The following SLC12A1 variants were observed in gnomAD, a reference collection of about 807,000 sequenced individuals.
SLC12A1 encodes Na-K-2Cl cotransporter.
A neutral mutation model predicts 130.4 loss-of-function variants in SLC12A1; 89 were observed. The ratio of observed to expected loss-of-function variants is 0.68; its 90% CI spans 0.58 to 0.81. The LOEUF is 0.81. Among genes scored for constraint, SLC12A1 ranks in the 40% least tolerant of loss-of-function variants. The pLI is 0.00. For synonymous variants in SLC12A1, 499 were observed against 460.0 expected, an observed-to-expected ratio of 1.08 and a Z score of -1.09; for missense variants, 1,310 against 1,336.4, an observed-to-expected ratio of 0.98 and a Z score of 0.31.
At chr15:48,229,732 A>T (rs2041346652) in intron 6 of SLC12A1, among the ~76,000 whole-genome samples, 1 of 152,236 alleles carries the variant, frequency 6.6e-6, no homozygotes, top group Non-Finnish European at 1.5e-5. Context: ...AAGGAAAGAA[A>T]GTTTAAAAAT....
chr15:48,289,431 T>TATATA (rs60463295), intron 23 of SLC12A1, among the ~76,000 whole-genome samples: 3,840 of 121,810 alleles, frequency 0.032, 222 homozygotes, highest in African/African-American at 0.049. Context: ...ATATATATAA[T>TATATA]GTATAACTAT....
At chr15:48,254,080 T>C (rs960608504) in intron 15 of SLC12A1, among the ~76,000 whole-genome samples, 2 of 152,216 alleles carry the variant, frequency 1.3e-5, no homozygotes, top group Non-Finnish European at 2.9e-5. Context: ...TTTCTCTGGA[T>C]CTGTGGTTTC....
At chr15:48,221,701 A>G (rs1316050027) in intron 4 of SLC12A1, among the ~76,000 whole-genome samples, 1 of 152,212 alleles carries the variant, frequency 6.6e-6, no homozygotes, top group Non-Finnish European at 1.5e-5. Context: ...GTATATTAGT[A>G]AAGTTTTTAT....
intron 15 of SLC12A1, among the ~76,000 whole-genome samples, chr15:48,253,252 T>A (rs1442216483): frequency 6.6e-6 from 1 of 152,212 alleles, no homozygotes; most frequent in Non-Finnish European, 1.5e-5. Context: ...TGTCTATATG[T>A]TTTGACAAAC....
chr15:48,281,908 G>A (rs565515941), intron 20 of SLC12A1, among the ~76,000 whole-genome samples: 1 of 152,174 alleles, frequency 6.6e-6, no homozygotes, highest in African/African-American at 2.4e-5. Context: ...TATTTCTGTT[G>A]ACAAAAATGT....
chr15:48,240,059 A>T lies in SLC12A1; in HGVS notation c.1216-1456A>T. On this transcript the variant is annotated intron_variant, in intron 9 of 26. Coordinates refer to ENST00000380993, the MANE Select transcript of SLC12A1 (RefSeq NM_000338.3). Reference sequence around the variant, plus strand: ...TATATATATATATATCCATATATATATATATATATATCCATATATATATAT... The same window carrying T: ...TATATATATATATATCCATATATATTTATATATATATCCATATATATATAT... 2.9e-5 allele frequency among the ~76,000 whole-genome samples: 3 copies of T among 105,252 alleles called. No homozygotes were observed. The East Asian group carries it at 1.0e-3, about 35-fold the overall frequency. 69.0% of individuals were successfully genotyped at this position (105,252 alleles called of 152,430 possible).
chr15:48,302,650 AT>A, intron 26 of SLC12A1, 99 bp from the exon 27 acceptor site: 1 of 704,130 alleles, frequency 1.4e-6, no homozygotes, highest in Admixed American at 3.5e-5. Context: ...AAAAAAAAAA[AT>A]TAAGGCTGCC....
intron 20 of SLC12A1, among the ~76,000 whole-genome samples, chr15:48,282,345 A>G (rs1328073232): frequency 6.6e-6 from 1 of 152,192 alleles, no homozygotes; most frequent in Non-Finnish European, 1.5e-5. Flanking sequence ...CATACCTTCA[A>G]GCAATTGTTG....
intron 2 of SLC12A1, among the ~76,000 whole-genome samples, chr15:48,212,527 T>G (rs2041065588): frequency 6.6e-6 from 1 of 152,210 alleles, no homozygotes; most frequent in African/African-American, 2.4e-5. Context: ...ATCTAGTGCC[T>G]TTACTTTGTA....
intron 19 of SLC12A1, among the ~76,000 whole-genome samples, chr15:48,270,750 G>GTATATATA (rs71458477): frequency 2.9e-3 from 3 of 1,048 alleles, no homozygotes; most frequent in Non-Finnish European, 5.5e-3. Context: ...GTGTATGTGT[G>GTATATATA]TATATATATA....
intron 17 of SLC12A1, among the ~76,000 whole-genome samples, chr15:48,263,816 C>T (rs1199817598): frequency 6.6e-6 from 1 of 152,132 alleles, no homozygotes; most frequent in Non-Finnish European, 1.5e-5. Context: ...CCTCAGCCTT[C>T]CCAGTGTCCG....
chr15:48,249,103 A>G (rs1566840450), intron 13 of SLC12A1, among the ~76,000 whole-genome samples: 1 of 152,162 alleles, frequency 6.6e-6, no homozygotes, highest in East Asian at 1.9e-4. Flanking sequence ...AGAGATGTGA[A>G]AAAGGTATGA....
Position 48,227,027 on chromosome 15 carries a change from G to A in SLC12A1, c.724+456G>A, listed in dbSNP as rs574564550. On this transcript the variant is annotated intron_variant, in intron 5 of 26. Transcript: ENST00000380993. ...TCAGACTGCTGCCTCCTGAAGTACT[G>A]GTGACTTCTCTCAGTACTGGAACCA... The A allele has an allele frequency of 3.3e-4, 398 of 1,212,754 alleles. 2 individuals carry two copies. The South Asian group carries it at 4.9e-3, about 15-fold the overall frequency. The allele number at this position is 1,212,754 out of a possible 1,614,324, so 75.1% of individuals were successfully genotyped here.
At chr15:48,235,030 T>C in intron 9 of SLC12A1, 26 bp downstream of exon 9, 1 of 1,612,514 alleles carries the variant, frequency 6.2e-7, no homozygotes, top group Non-Finnish European at 8.5e-7. Context: ...TGCTTTGCAG[T>C]CCTGGGAGTG....
At chr15:48,293,589 T>C (rs1194592611) in intron 24 of SLC12A1, among the ~76,000 whole-genome samples, 1 of 152,224 alleles carries the variant, frequency 6.6e-6, no homozygotes, top group Non-Finnish European at 1.5e-5. Context: ...CTTGCCTCTT[T>C]CCTTCCTTTG....
chr15:48,227,056 A>G (rs1439291090), intron 5 of SLC12A1: 14 of 1,523,000 alleles, frequency 9.2e-6, no homozygotes, highest in Admixed American at 5.9e-5. Flanking sequence ...GGAACCAAAC[A>G]CCTTTCTTGG....
At chr15:48,242,228 C>G (rs1296724615) in intron 10 of SLC12A1, among the ~76,000 whole-genome samples, 3 of 152,196 alleles carry the variant, frequency 2.0e-5, no homozygotes, top group African/African-American at 7.2e-5. Context: ...GCCACACCTC[C>G]TCCTGGTTGG....
At chr15:48,267,056 C>T (rs188506194) in intron 17 of SLC12A1, among the ~76,000 whole-genome samples, 123 of 152,234 alleles carry the variant, frequency 8.1e-4, no homozygotes, top group Admixed American at 3.2e-3. Context: ...TTTTGCCACA[C>T]GAAAAAGCAA....
intron 8 of SLC12A1, among the ~76,000 whole-genome samples, chr15:48,233,701 T>C (rs1434615628): frequency 6.6e-6 from 1 of 152,220 alleles, no homozygotes; most frequent in East Asian, 1.9e-4. Context: ...TTTATTTCTT[T>C]TTGATATCAC....
Sources: gnomAD v4.1 joint callset for allele counts (sites outside exome capture counted in the v4.1 genomes callset) on GRCh38, gnomAD v4.1.1 for gene constraint, MANE v1.5 for transcripts, NCBI Gene and HGNC (gene_info 2026-07-23, HGNC 2026-07-21) for gene names.